Variants in RAPGEF4 observed in about 807,000 individuals in gnomAD.
RAPGEF4 encodes the protein RAP guanine-nucleotide-exchange factor (GEF) 4.
Under a neutral mutation model 147.9 loss-of-function variants are expected in RAPGEF4, and 66 were observed. The ratio of observed to expected loss-of-function variants is 0.45; its 90% confidence interval spans 0.37 to 0.55. The LOEUF (loss-of-function observed/expected upper bound fraction) is 0.55, where lower values mean the gene tolerates loss of function less well. RAPGEF4 is among the 20% of genes least tolerant of loss of function. The pLI, the probability that RAPGEF4 is intolerant of heterozygous loss-of-function variation, is 0.00. For missense variants in RAPGEF4, 1,071 were observed against 1,257.3 expected, an observed-to-expected ratio of 0.85 and a Z score of 2.24; for synonymous variants, 419 against 442.7, an observed-to-expected ratio of 0.95 and a Z score of 0.67.
At chr2:172,738,715 C>T (rs991145153) in intron 1 of RAPGEF4, among the ~76,000 whole-genome samples, 2 of 152,124 alleles carry the variant, frequency 1.3e-5, no homozygotes, top group African/African-American at 4.8e-5. Context: ...TGTGGGTTCA[C>T]TTGGGAATAT....
chr2:173,001,837 G>A (rs770344092), intron 17 of RAPGEF4, among the ~76,000 whole-genome samples: 13 of 151,316 alleles, frequency 8.6e-5, no homozygotes, highest in Non-Finnish European at 1.6e-4. Context: ...AGACACGAGG[G>A]GTCCACCCCC....
intron 6 of RAPGEF4, among the ~76,000 whole-genome samples, chr2:172,946,339 T>A (rs559824298): frequency 5.3e-5 from 8 of 152,232 alleles, no homozygotes; most frequent in Non-Finnish European, 1.2e-4. Context: ...TAAACTTTTT[T>A]ATACTTTCCA....
chr2:172,774,343 G>T (rs570842646), intron 1 of RAPGEF4, among the ~76,000 whole-genome samples: 2 of 152,246 alleles, frequency 1.3e-5, no homozygotes, highest in East Asian at 3.9e-4. Flanking sequence ...GCAGAATAAA[G>T]TCTGTGCCTG....
At chr2:172,928,062 A>G (rs1449135192) in intron 6 of RAPGEF4, 2 of 363,420 alleles carry the variant, frequency 5.5e-6, no homozygotes, top group Non-Finnish European at 1.1e-5. Flanking sequence ...TGAGCTGTGT[A>G]GTGTGTAAAT....
chr2:172,972,548 A>G (rs1230389547), intron 10 of RAPGEF4, among the ~76,000 whole-genome samples: 2 of 152,312 alleles, frequency 1.3e-5, no homozygotes, highest in African/African-American at 2.4e-5. Flanking sequence ...CTTGGTCTTT[A>G]CTGGAAAGAT....
At chr2:172,840,010 T>G (rs1331080816) in intron 4 of RAPGEF4, among the ~76,000 whole-genome samples, 2 of 152,176 alleles carry the variant, frequency 1.3e-5, no homozygotes, top group African/African-American at 4.8e-5. Flanking sequence ...TCTTAAGTGC[T>G]AAAAGCCTCT....
chr2:172,868,699 A>G (rs146501885), intron 4 of RAPGEF4, among the ~76,000 whole-genome samples: 61 of 152,336 alleles, frequency 4.0e-4, no homozygotes, highest in African/African-American at 1.4e-3. Flanking sequence ...GTGGGTTTCT[A>G]CAGTTTTTCT....
At chr2:172,788,912 A>AAAAT (rs1300854006) in intron 1 of RAPGEF4, among the ~76,000 whole-genome samples, 3 of 151,936 alleles carry the variant, frequency 2.0e-5, no homozygotes, top group African/African-American at 4.8e-5. Flanking sequence ...AAAATAAAAT[A>AAAAT]AAATAAATAA....
rs758893210 is a variant in RAPGEF4 at position 172,966,813 on chromosome 2, A to T, written c.821-448A>T. ...AGTGCAGACAGTACAGTTGATAAAC[A>T]GTACATATAGAAAGAATAACATAAA... is the stretch of plus-strand genomic sequence containing the variant. On this transcript the variant is annotated intron_variant, in intron 9 of 30. Transcript: ENST00000397081. Among the ~76,000 whole-genome samples, 9 of 152,248 alleles carry T rather than the reference A, an allele frequency of 5.9e-5. No homozygotes were observed. In the South Asian group the frequency reaches 1.0e-3, roughly 18 times the overall value.
intron 29 of RAPGEF4, 184 bp from the exon 30 acceptor site, chr2:173,048,416 G>C (rs1034138567): frequency 3.0e-6 from 4 of 1,336,736 alleles, no homozygotes; most frequent in Non-Finnish European, 3.9e-6. Context: ...TTGTATGTAT[G>C]TGGGTACCCC....
intron 1 of RAPGEF4, among the ~76,000 whole-genome samples, chr2:172,742,062 C>T (rs912953579): frequency 6.6e-6 from 1 of 152,128 alleles, no homozygotes; most frequent in Non-Finnish European, 1.5e-5. Context: ...GCTCCCCACT[C>T]CCCCCAGGAT....
At chr2:172,953,289 A>G (rs980097430) in intron 6 of RAPGEF4, among the ~76,000 whole-genome samples, 1 of 147,602 alleles carries the variant, frequency 6.8e-6, no homozygotes, top group Non-Finnish European at 1.5e-5. Flanking sequence ...AGTTCTCTCT[A>G]TATAATTCTA....
chr2:172,900,094 C>T (rs559293873), intron 4 of RAPGEF4, among the ~76,000 whole-genome samples: 1 of 152,216 alleles, frequency 6.6e-6, no homozygotes, highest in African/African-American at 2.4e-5. Context: ...AGAGGACTCA[C>T]TCGAGAGGCA....
intron 6 of RAPGEF4, among the ~76,000 whole-genome samples, chr2:172,952,608 G>A (rs929260065): frequency 6.6e-6 from 1 of 152,122 alleles, no homozygotes; most frequent in Non-Finnish European, 1.5e-5. Context: ...GAAAATCTAG[G>A]CTCGATCAAG....
chr2:172,778,890 TA>T (rs913095531), intron 1 of RAPGEF4, among the ~76,000 whole-genome samples: 9 of 152,180 alleles, frequency 5.9e-5, no homozygotes, highest in South Asian at 4.1e-4. Flanking sequence ...CAATATTCAT[TA>T]AAAAATGAAT....
chr2:172,948,684 T>A (rs1687921304), intron 6 of RAPGEF4, among the ~76,000 whole-genome samples: 1 of 152,196 alleles, frequency 6.6e-6, no homozygotes, highest in African/African-American at 2.4e-5. Context: ...GCCATCATCC[T>A]TAGCAAACTA....
chr2:172,988,664 T>C (rs1204854914), intron 13 of RAPGEF4, 29 bp from the exon 14 acceptor site: 1 of 1,597,162 alleles, frequency 6.3e-7, no homozygotes, highest in African/African-American at 1.3e-5. Flanking sequence ...TCAGGGATCT[T>C]CTTCATCTGT....
chr2:172,809,237 C>T (rs1399421788), intron 3 of RAPGEF4, among the ~76,000 whole-genome samples: 1 of 152,072 alleles, frequency 6.6e-6, no homozygotes, highest in African/African-American at 2.4e-5. Flanking sequence ...CCAGGGGTAG[C>T]ATGATGAGAC....
intron 4 of RAPGEF4, among the ~76,000 whole-genome samples, chr2:172,862,209 T>C (rs1293651475): frequency 6.6e-6 from 1 of 152,218 alleles, no homozygotes; most frequent in Non-Finnish European, 1.5e-5. Context: ...AATAATTATC[T>C]TGTAGTTAGG....
Sources: gnomAD v4.1 joint callset for allele counts (sites outside exome capture counted in the v4.1 genomes callset) on GRCh38, gnomAD v4.1.1 for gene constraint, MANE v1.5 for transcripts, NCBI Gene and HGNC (gene_info 2026-07-23, HGNC 2026-07-21) for gene names.